Variants in DYSF observed in about 807,000 individuals in gnomAD.
The protein encoded by DYSF is dysferlin.
DYSF carries 212 observed loss-of-function variants against 274.9 expected under a neutral mutation model. That is an observed-to-expected ratio of 0.77 (90% CI 0.69 to 0.86). DYSF has a LOEUF of 0.86. Among genes scored for constraint, DYSF ranks in the 40% least tolerant of loss-of-function variants. DYSF has a pLI of 0.00. For missense variants in DYSF, 2,666 were observed against 2,783.2 expected (o/e 0.96, Z 0.95); for synonymous variants, 1,091 against 1,078.7 (o/e 1.01, Z -0.22).
intron 29 of DYSF, among the ~76,000 whole-genome samples, chr2:71,571,921 A>G (rs1178720068): frequency 6.9e-6 from 1 of 143,906 alleles, no homozygotes; most frequent in Non-Finnish European, 1.5e-5. Flanking sequence ...CACACCCAGC[A>G]CATGCACAGA....
chr2:71,544,459 CTTT>C (rs10656285), intron 17 of DYSF, among the ~76,000 whole-genome samples: 4 of 129,062 alleles, frequency 3.1e-5, no homozygotes, highest in Non-Finnish European at 3.2e-5. Context: ...TAAAAATGTT[CTTT>C]TTTTTTTTTT....
chr2:71,585,937 G>A (rs1193503092), intron 30 of DYSF, among the ~76,000 whole-genome samples: 2 of 152,094 alleles, frequency 1.3e-5, no homozygotes, highest in African/African-American at 4.8e-5. Flanking sequence ...GCACAGAAAC[G>A]TCAGGGGACA....
intron 1 of DYSF, among the ~76,000 whole-genome samples, chr2:71,455,272 C>A (rs142158080): frequency 1.2e-3 from 183 of 152,318 alleles, no homozygotes; most frequent in African/African-American, 3.9e-3. Context: ...GTCATGAGTA[C>A]CTTCTCTTGG....
chr2:71,667,349 A>G, intron 47 of DYSF, 27 bp from the exon 48 acceptor site: 1 of 1,613,904 alleles, frequency 6.2e-7, no homozygotes, highest in Non-Finnish European at 8.5e-7. Flanking sequence ...CAGCTCCTGC[A>G]ACTTTTTTGT....
chr2:71,652,052 G>A (rs1055638661), intron 42 of DYSF, among the ~76,000 whole-genome samples: 2 of 152,156 alleles, frequency 1.3e-5, no homozygotes, highest in African/African-American at 4.8e-5. Flanking sequence ...ACTTCAGAAG[G>A]TTTCTTTACT....
rs565446583 is a variant in DYSF, at chr2:71,632,033, C to T, written c.4527+11424C>T. Among the ~76,000 whole-genome samples, 4 of 152,258 alleles carry T rather than the reference C, an allele frequency of 2.6e-5. No homozygotes were observed. The South Asian group carries it at 8.3e-4, about 32-fold the overall frequency. ...CTGGTCTGAGAGGGATCTCTTTTCC[C>T]ATCTAGAGAAAAAACACTCATCTCT... On this transcript the variant is annotated intron_variant, in intron 41 of 55. Coordinates refer to ENST00000410020, the MANE Select transcript of DYSF (RefSeq NM_001130987.2).
chr2:71,478,352 C>T (rs976409626), intron 1 of DYSF, among the ~76,000 whole-genome samples: 2 of 151,932 alleles, frequency 1.3e-5, no homozygotes, highest in Non-Finnish European at 2.9e-5. Context: ...GCTGGGACTA[C>T]AGGTGCCAGC....
At chr2:71,652,849 G>A in intron 42 of DYSF, among the ~76,000 whole-genome samples, 1 of 152,210 alleles carries the variant, frequency 6.6e-6, no homozygotes, top group Non-Finnish European at 1.5e-5. Context: ...GTGAGCATTT[G>A]GCATATGACA....
rs575847609 is a variant in DYSF at position 71,627,337 on chromosome 2, C to A, written c.4527+6728C>A. Among the ~76,000 whole-genome samples, 4 of 151,984 alleles carry A rather than the reference C, an allele frequency of 2.6e-5. No individual in the cohort carries two copies. The South Asian group carries it at 6.2e-4, about 24-fold the overall frequency. Reference sequence around the variant, plus strand: ...TCGGATTTTTATTATTTCTTTTTGACACCTAAATTGTCTAAAAATATGGTT... The same window carrying A: ...TCGGATTTTTATTATTTCTTTTTGAAACCTAAATTGTCTAAAAATATGGTT... On this transcript the variant is annotated intron_variant, in intron 41 of 55. Coordinates refer to ENST00000410020, the MANE Select transcript of DYSF (RefSeq NM_001130987.2).
intron 32 of DYSF, among the ~76,000 whole-genome samples, chr2:71,592,445 G>A (rs774331270): frequency 1.3e-4 from 20 of 152,160 alleles, no homozygotes; most frequent in Non-Finnish European, 2.5e-4. Context: ...AAGGAAAACA[G>A]CAGCCAACAT....
chr2:71,476,750 C>T (rs565221575), intron 1 of DYSF, among the ~76,000 whole-genome samples: 2 of 151,602 alleles, frequency 1.3e-5, no homozygotes, highest in Admixed American at 1.3e-4. Flanking sequence ...ACCTCTGCTG[C>T]ACATCACAAA....
intron 1 of DYSF, among the ~76,000 whole-genome samples, chr2:71,469,803 A>C (rs919789910): frequency 6.6e-6 from 1 of 152,204 alleles, no homozygotes; most frequent in Non-Finnish European, 1.5e-5. Context: ...GGGCCATAGT[A>C]GATATTTTTG....
intron 52 of DYSF, among the ~76,000 whole-genome samples, chr2:71,678,446 T>C (rs2152967117): frequency 6.6e-6 from 1 of 152,214 alleles, no homozygotes; most frequent in East Asian, 1.9e-4. Flanking sequence ...GAACAAATAT[T>C]GTATGATTCC....
At chr2:71,515,592 C>T in intron 7 of DYSF, 31 bp from the exon 8 acceptor site, 2 of 1,613,946 alleles carry the variant, frequency 1.2e-6, no homozygotes, top group East Asian at 2.2e-5. Context: ...CTTCCCCCTT[C>T]CTCCTGCTCT....
At chr2:71,646,580 G>A (rs943170582) in intron 42 of DYSF, among the ~76,000 whole-genome samples, 1 of 152,100 alleles carries the variant, frequency 6.6e-6, no homozygotes, top group Non-Finnish European at 1.5e-5. Context: ...GCACACAGTG[G>A]GTGCAGGAAA....
At chr2:71,462,424 C>T (rs1441471261), upstream of DYSF, among the ~76,000 whole-genome samples, 6 of 152,168 alleles carry the variant, frequency 3.9e-5, no homozygotes, top group East Asian at 9.7e-4. Context: ...CATGTCACCC[C>T]TAGGTCTGGG....
At chr2:71,528,581 G>T (rs1244782629) in intron 14 of DYSF, among the ~76,000 whole-genome samples, 180 bp downstream of exon 14, 1 of 152,140 alleles carries the variant, frequency 6.6e-6, no homozygotes, top group Non-Finnish European at 1.5e-5. Context: ...GGACTGCCCC[G>T]CACACGAATG....
chr2:71,672,996 C>T (rs1056691645), intron 51 of DYSF, among the ~76,000 whole-genome samples: 2 of 152,182 alleles, frequency 1.3e-5, no homozygotes, highest in East Asian at 1.9e-4. Flanking sequence ...CTGGGATTTC[C>T]GTGGCCAACC....
At chr2:71,560,006 C>T (rs2091618001) in intron 22 of DYSF, among the ~76,000 whole-genome samples, 1 of 152,248 alleles carries the variant, frequency 6.6e-6, no homozygotes, top group Non-Finnish European at 1.5e-5. Flanking sequence ...GCCCACTCTG[C>T]TCTCAGCCTG....
Sources: gnomAD v4.1 joint callset for allele counts (sites outside exome capture counted in the v4.1 genomes callset) on GRCh38, gnomAD v4.1.1 for gene constraint, MANE v1.5 for transcripts, NCBI Gene and HGNC (gene_info 2026-07-23, HGNC 2026-07-21) for gene names.